The following GTPBP4 variants were observed in gnomAD, a reference collection of about 807,000 sequenced individuals.
GTPBP4 encodes GTP binding protein 4.
In GTPBP4, 15 loss-of-function variants were observed where a neutral mutation model predicts 81.7. The observed-to-expected ratio is 0.18, with a 90% CI of 0.12 to 0.28. The LOEUF (loss-of-function observed/expected upper bound fraction) is 0.28. Ranked by LOEUF, GTPBP4 falls within the 10% of genes least tolerant of loss-of-function variation. The pLI is 1.00. For synonymous variants in GTPBP4, 272 were observed against 274.6 expected (o/e 0.99, Z 0.09); for missense variants, 847 against 793.8 (o/e 1.07, Z -0.81).
intron 15 of GTPBP4, 68 bp downstream of exon 15, chr10:1,014,380 G>T (rs368450510): frequency 8.7e-7 from 1 of 1,150,888 alleles, no homozygotes; most frequent in Non-Finnish European, 1.3e-6. Flanking sequence ...AAACTGGCCG[G>T]GCGTGGTGGC....
Position 1,000,664 on chromosome 10 carries a change from C to A in GTPBP4, c.655-13C>A. 6.7e-7 allele frequency: 1 copy of A among 1,483,506 alleles called. No homozygotes were observed. Among genetic ancestry groups the A allele is most frequent in the Non-Finnish European group, 9.0e-7 (1 of 1,113,278 alleles). The allele number at this position is 1,483,506 out of a possible 1,614,324, so 91.9% of individuals were successfully genotyped here. On this transcript the variant is annotated splice_polypyrimidine_tract_variant and intron_variant, in intron 6 of 16. Transcript: ENST00000360803. ...GTGAGTGTGCTTTCAGTGACAAGGT[C>A]TGGCTGTGTTAGGTTGTAGACACTC...
intron 15 of GTPBP4, among the ~76,000 whole-genome samples, chr10:1,015,439 T>G: frequency 1.1e-5 from 1 of 91,048 alleles, no homozygotes. Context: ...GGACCTGGGG[T>G]CCTGAGCGCT....
intron 1 of GTPBP4, among the ~76,000 whole-genome samples, chr10:992,070 T>C (rs907016883): frequency 2.0e-5 from 3 of 151,570 alleles, no homozygotes; most frequent in Non-Finnish European, 2.9e-5. Flanking sequence ...ATTTTTGTAA[T>C]TTAAAATATG....
At chr10:1,012,351 A>T (rs1180623849) in intron 13 of GTPBP4, 114 bp from the exon 14 acceptor site, 2 of 704,538 alleles carry the variant, frequency 2.8e-6, no homozygotes, top group Non-Finnish European at 4.7e-6. Flanking sequence ...GGACCAGGGC[A>T]ATCGCTCTCC....
intron 8 of GTPBP4, among the ~76,000 whole-genome samples, chr10:1,003,280 G>C (rs933314701): frequency 1.3e-5 from 2 of 152,018 alleles, no homozygotes; most frequent in African/African-American, 4.8e-5. Flanking sequence ...TTAAGTTCTT[G>C]TTCATATCAT....
chr10:1,009,732 C>T lies in GTPBP4; in HGVS notation c.1243+152C>T. 4 of 644,552 alleles carry T rather than the reference C, an allele frequency of 6.2e-6. No individual in the cohort carries two copies. The South Asian group carries it at 7.1e-5, about 11-fold the overall frequency. 39.9% of individuals were successfully genotyped at this position (644,552 alleles called of 1,614,324 possible). The stretch of plus-strand genomic sequence containing the variant: ...AAGATTAAAAGTTGCATCCTGAGGG[C>T]CAGGTGCAGTGGCTCACGCCTGTAA... On this transcript the variant is annotated intron_variant, in intron 12 of 16. Coordinates refer to ENST00000360803, the MANE Select transcript of GTPBP4 (RefSeq NM_012341.3).
rs1168524852 is a variant in GTPBP4 at position 1,019,415 on chromosome 10, GC to G, written c.*2192del. ...ATTTATACATGATGGGCAATCAAGT[GC>G]CCCTTTTGCCCTGTTTTTTGGAGAG... On this transcript the variant is annotated 3_prime_UTR_variant, in exon 17 of 17. Coordinates refer to ENST00000360803, the MANE Select transcript of GTPBP4 (RefSeq NM_012341.3). The G allele has an allele frequency of 1.3e-6, 1 of 787,474 alleles. No individual in the cohort carries two copies. Among genetic ancestry groups the G allele is most frequent in the Non-Finnish European group, 2.0e-6 (1 of 500,018 alleles). The allele number at this position is 787,474 out of a possible 1,614,324, so 48.8% of individuals were successfully genotyped here.
intron 1 of GTPBP4, 121 bp downstream of exon 1, chr10:988,648 T>G: frequency 1.4e-6 from 1 of 733,720 alleles, no homozygotes; most frequent in Non-Finnish European, 2.4e-6. Flanking sequence ...CCCCCGCTCC[T>G]GGGCCTGACC....
At chr10:1,015,722 A>G (rs572676855) in intron 15 of GTPBP4, 31 bp from the exon 16 acceptor site, 2 of 1,588,750 alleles carry the variant, frequency 1.3e-6, no homozygotes, top group South Asian at 2.3e-5. Context: ...TGGGGTCCTG[A>G]GCGCTGAGCA....
intron 5 of GTPBP4, among the ~76,000 whole-genome samples, chr10:998,065 AT>A (rs1261068903): frequency 2.0e-5 from 3 of 152,220 alleles, no homozygotes; most frequent in Non-Finnish European, 2.9e-5. Context: ...AGATCACTTT[AT>A]TTTTAATTAA....
chr10:1,008,014 G>C (rs536682979), intron 10 of GTPBP4: 15 of 508,490 alleles, frequency 2.9e-5, no homozygotes, highest in Non-Finnish European at 5.1e-5. Flanking sequence ...CTTCAAATGT[G>C]CTGTACATTT....
At chr10:1,016,020 G>C in intron 16 of GTPBP4, 124 bp downstream of exon 16, 1 of 875,098 alleles carries the variant, frequency 1.1e-6, no homozygotes, top group Non-Finnish European at 1.8e-6. Context: ...TGTACTGCAT[G>C]CCCTCGTTTT....
intron 7 of GTPBP4, 37 bp from the exon 8 acceptor site, chr10:1,000,911 G>A (rs779452833): frequency 6.9e-6 from 11 of 1,603,772 alleles, no homozygotes; most frequent in South Asian, 2.2e-5. Context: ...CCTGCAGTAC[G>A]AGAATAATGA....
intron 4 of GTPBP4, chr10:996,481 A>G (rs879342912): frequency 3.1e-6 from 1 of 321,968 alleles, no homozygotes; most frequent in African/African-American, 2.1e-5. Context: ...AGGCATACAC[A>G]AAAAAGTCAC....
Position 1,008,972 on chromosome 10 carries a change from C to T in GTPBP4, c.1128C>T (p.Phe376=). ...GATCTTCTCAGGAGAGGCCCCCTTTCATCCCTGAAGGAGTGGTGGCTCGCA... is the reference window on the plus strand; with the variant it reads ...GATCTTCTCAGGAGAGGCCCCCTTTTATCCCTGAAGGAGTGGTGGCTCGCA... ...TRRDDKERPP[F]IPEGVVARRK... is the part of the protein sequence containing the mutation. The change falls in exon 11 of 17, where the codon TTC becomes TTT. Residue 376 remains phenylalanine (F), a synonymous_variant. Coordinates refer to ENST00000360803, the MANE Select transcript of GTPBP4 (RefSeq NM_012341.3). 1 of 1,610,726 alleles carries T rather than the reference C, an allele frequency of 6.2e-7. No individual in the cohort carries two copies. Among genetic ancestry groups the T allele is most frequent in the Non-Finnish European group, 8.5e-7 (1 of 1,176,876 alleles).
In GTPBP4 at chr10:989,861, C is replaced by G. The variant is rs1026737547; in HGVS notation, c.48+1334C>G. On this transcript the variant is annotated intron_variant, in intron 1 of 16. Coordinates refer to ENST00000360803, the MANE Select transcript of GTPBP4 (RefSeq NM_012341.3). ...AAGTGATTTTCCTGCCTCAGCCTCC[C>G]GAGTAGCTGGGACTACAGGCATGCG... 1.1e-4 allele frequency among the ~76,000 whole-genome samples: 16 copies of G among 152,230 alleles called. No individual in the cohort carries two copies. In the East Asian group the frequency reaches 1.9e-3, roughly 18 times the overall value.
intron 1 of GTPBP4, among the ~76,000 whole-genome samples, chr10:989,262 G>A (rs1449024023): frequency 6.6e-6 from 1 of 151,836 alleles, no homozygotes; most frequent in Non-Finnish European, 1.5e-5. Flanking sequence ...TTACAGTCGT[G>A]CACCACCACA....
chr10:992,730 G>T, intron 2 of GTPBP4, 71 bp downstream of exon 2: 1 of 867,628 alleles, frequency 1.2e-6, no homozygotes, highest in Non-Finnish European at 1.8e-6. Flanking sequence ...TAACCAGTTT[G>T]GTGTACTCAT....
intron 1 of GTPBP4, among the ~76,000 whole-genome samples, chr10:990,620 G>A (rs1432380556): frequency 6.6e-6 from 1 of 150,928 alleles, no homozygotes; most frequent in Non-Finnish European, 1.5e-5. Context: ...CTGCTGGGGA[G>A]GCTGAGGCAG....
Sources: allele counts gnomAD v4.1 joint callset (sites outside exome capture counted in the v4.1 genomes callset), GRCh38; gene constraint gnomAD v4.1.1; transcripts MANE v1.5; gene names NCBI Gene and HGNC (gene_info 2026-07-23, HGNC 2026-07-21).